The following GPR82 variants were observed in gnomAD, a reference collection of about 807,000 sequenced individuals.
GPR82 encodes the protein G protein-coupled receptor 82, also known as probable G protein-coupled receptor 82.
In GPR82, 6 loss-of-function variants were observed where a neutral mutation model predicts 12.9. That is an observed-to-expected ratio of 0.46 (90% CI 0.25 to 0.92). The LOEUF (loss-of-function observed/expected upper bound fraction) is 0.92. GPR82 is among the 40% of genes least tolerant of loss of function. The pLI is 0.16. For missense variants in GPR82, 241 were observed against 245.5 expected (o/e 0.98, Z 0.12); for synonymous variants, 90 against 87.6 (o/e 1.03, Z -0.15).
rs1265211111 is a variant in GPR82, at chrX:41,728,605, A to T, written c.*568A>T. The T allele has an allele frequency of 1.7e-5, 2 of 121,072 alleles. No homozygotes were observed. The highest frequency in any genetic ancestry group is 9.5e-5 in the Admixed American group (1 of 10,517). 10.0% of individuals were successfully genotyped at this position (121,072 alleles called of 1,213,427 possible). A position where few individuals can be genotyped will look rare whatever the true frequency, so the allele number is the denominator to read the frequency against. On this transcript the variant is annotated 3_prime_UTR_variant, in exon 3 of 3. Transcript: ENST00000302548. The stretch of plus-strand genomic sequence containing the variant: ...CTAAAAATACAAAAATCAGCTGGAC[A>T]TGGTGGTGGGCGCCTGTAATCCCAG...
rs769558731 is a variant in GPR82 at position 41,727,628 on chromosome X, T to C, written c.602T>C (p.Ile201Thr). 1.6e-5 allele frequency: 19 copies of C among 1,207,886 alleles called. No homozygotes were observed. Among genetic ancestry groups the C allele is most frequent in the South Asian group, 5.3e-5 (3 of 56,783 alleles). ...QMELGAMISQ[I>T]AGLIGTTFIG... is the part of the protein sequence containing the mutation. ...GAACTAGGAGCCATGATCTCTCAGA[T>C]TGCAGGTCTCATTGGAACCACATTT... is the stretch of plus-strand genomic sequence containing the variant. The change falls in exon 3 of 3, where the codon ATT (isoleucine) becomes ACT (threonine). Residue 201 changes from isoleucine to threonine, a missense_variant. Ile to Thr is a moderately conservative substitution (Grantham distance 89, BLOSUM62 -1). Coordinates refer to ENST00000302548, the MANE Select transcript of GPR82 (RefSeq NM_080817.5).
chrX:41,725,755 A>T (rs2068248738), intron 1 of GPR82, among the ~76,000 whole-genome samples: 1 of 112,600 alleles, frequency 8.9e-6, no homozygotes, highest in Admixed American at 9.4e-5. Flanking sequence ...TTATGTTGTG[A>T]TTAAAACATC....
In GPR82 at chrX:41,727,313, C is replaced by T. The variant is rs1388133296; in HGVS notation, c.287C>T (p.Thr96Ile). ...AQCRVVNFLG[T>I]LSMHASMFVS... ...TGCAGAGTGGTCAATTTTCTGGGAACTCTATCCATGCATGCAAGTATGTTT... is the reference window on the plus strand; with the variant it reads ...TGCAGAGTGGTCAATTTTCTGGGAATTCTATCCATGCATGCAAGTATGTTT... Residue 96 changes from threonine to isoleucine, a missense_variant, in exon 3 of 3, where the codon ACT (threonine) becomes ATT (isoleucine). Physicochemically the swap from Thr to Ile is moderately conservative, Grantham distance 89. Transcript: ENST00000302548. 2 of 1,206,410 alleles carry T rather than the reference C, an allele frequency of 1.7e-6. No individual in the cohort carries two copies. The highest frequency in any genetic ancestry group is 4.4e-5 in the Admixed American group (2 of 45,734).
chrX:41,726,241 C>T (rs1361473860), intron 1 of GPR82, among the ~76,000 whole-genome samples: 3 of 112,785 alleles, frequency 2.7e-5, no homozygotes, highest in Non-Finnish European at 5.6e-5. Flanking sequence ...AGAGCCACCA[C>T]ATCTGGCTGT....
At position 41,727,427 on chromosome X, in the gene GPR82, A is replaced by G. The variant is rs2068281640; in HGVS notation, c.401A>G (p.Tyr134Cys). 4.1e-6 allele frequency: 5 copies of G among 1,210,353 alleles called. No homozygotes were observed. The highest frequency in any genetic ancestry group is 5.6e-6 in the Non-Finnish European group (5 of 894,120). ...TCCTCGCAAGAGACTACTTCATGCT[A>G]TGAGAAAATATTTTATGGCCATTTA... ...KDSSQETTSC[Y>C]EKIFYGHLLK... Residue 134 changes from tyrosine (Y) to cysteine (C), a missense_variant, in exon 3 of 3, where the codon TAT (tyrosine) becomes TGT (cysteine). Transcript: ENST00000302548.
chrX:41,727,651 T>C lies in GPR82; in HGVS notation c.625T>C (p.Phe209Leu), dbSNP rs766277398. 6 of 1,208,186 alleles carry C rather than the reference T, an allele frequency of 5.0e-6. No individual in the cohort carries two copies. The highest frequency in any genetic ancestry group is 6.7e-6 in the Non-Finnish European group (6 of 892,513). Reference protein sequence around the residue: ...SQIAGLIGTTFIGFSFLVVLT... With the variant: ...SQIAGLIGTTLIGFSFLVVLT... The stretch of plus-strand genomic sequence containing the variant: ...GATTGCAGGTCTCATTGGAACCACA[T>C]TTATTGGATTTTCCTTTTTAGTAGT... Residue 209 changes from phenylalanine to leucine, a missense_variant, in exon 3 of 3, where the codon TTT (phenylalanine) becomes CTT (leucine). Physicochemically the swap from Phe to Leu is conservative, Grantham distance 22 (BLOSUM62 0). Transcript: ENST00000302548.
chrX:41,726,297 C>A (rs1427062736), intron 1 of GPR82, among the ~76,000 whole-genome samples: 1 of 112,030 alleles, frequency 8.9e-6, no homozygotes, highest in African/African-American at 3.2e-5. Context: ...TGAAGTATGA[C>A]AGTTTAACAT....
rs200780473 is a variant in GPR82 at position 41,727,126 on chromosome X, A to T, written c.100A>T (p.Thr34Ser). ...TTGTATTGTTGGTGTTTTTGGAAAC[A>T]CTCTCTCTCAATGGATATTTTTAAC... ...LLCIVGVFGN[T>S]LSQWIFLTKI... The change falls in exon 3 of 3, where the codon ACT becomes TCT. Residue 34 changes from threonine to serine, a missense_variant. By Grantham distance (58) the Thr-to-Ser change is moderately conservative. Coordinates refer to ENST00000302548, the MANE Select transcript of GPR82 (RefSeq NM_080817.5). 57 of 1,190,175 alleles carry T rather than the reference A, an allele frequency of 4.8e-5. No homozygotes were observed. Among genetic ancestry groups the T allele is most frequent in the Non-Finnish European group, 6.5e-5 (57 of 877,829 alleles).
chrX:41,727,821 T>C lies in GPR82; in HGVS notation c.795T>C (p.Tyr265=). The change falls in exon 3 of 3, where the codon TAT becomes TAC. Residue 265 remains tyrosine (Y), a synonymous_variant. Transcript: ENST00000302548. ...QILLIVCFLP[Y]SIFKPIFYVL... is the part of the protein sequence containing the mutation. ...TACTAATAGTTTGCTTCCTTCCTTA[T>C]AGTATTTTTAAACCCATTTTTTATG... The C allele has an allele frequency of 1.1e-5, 13 of 1,189,364 alleles. No homozygotes were observed. The highest frequency in any genetic ancestry group is 2.3e-4 in the Middle Eastern group (1 of 4,276).
rs182476829 is a variant in GPR82 at position 41,725,302 on chromosome X, A to C, written c.-106+1013A>C. 2.9e-4 allele frequency among the ~76,000 whole-genome samples: 32 copies of C among 111,768 alleles called. No individual in the cohort carries two copies. The East Asian group carries it at 3.9e-3, about 14-fold the overall frequency. On this transcript the variant is annotated intron_variant, in intron 1 of 2. Transcript: ENST00000302548. ...ATTATAATATCATATTTGAAAAAAAACCCCAATTTCTGTAATCCAAGATGC... is the reference window on the plus strand; with the variant it reads ...ATTATAATATCATATTTGAAAAAAACCCCCAATTTCTGTAATCCAAGATGC...
At position 41,729,994 on chromosome X, in the gene GPR82, G is replaced by A. The variant is rs144071678; in HGVS notation, c.*1957G>A. 4 of 115,749 alleles carry A rather than the reference G, an allele frequency of 3.5e-5. No individual in the cohort carries two copies. The highest frequency in any genetic ancestry group is 4.3e-4 in the South Asian group (1 of 2,338). The allele number at this position is 115,749 out of a possible 1,213,427, so 9.5% of individuals were successfully genotyped here. ...ATATATTATGATTAAAAAAAAAAGCGTGTACTATCTGCCCAAAGAGATCAT... is the reference window on the plus strand; with the variant it reads ...ATATATTATGATTAAAAAAAAAAGCATGTACTATCTGCCCAAAGAGATCAT... On this transcript the variant is annotated 3_prime_UTR_variant, in exon 3 of 3. Coordinates refer to ENST00000302548, the MANE Select transcript of GPR82 (RefSeq NM_080817.5).
Position 41,725,151 on chromosome X carries a change from G to T in GPR82, c.-106+862G>T, listed in dbSNP as rs1028369436. ...CTGTTTTCTAAATAAAAATAGCAAA[G>T]AAATAAAATTATAAAGACAGTGGTA... On this transcript the variant is annotated intron_variant, in intron 1 of 2. Coordinates refer to ENST00000302548, the MANE Select transcript of GPR82 (RefSeq NM_080817.5). Among the ~76,000 whole-genome samples, 4 of 111,464 alleles carry T rather than the reference G, an allele frequency of 3.6e-5. No individual in the cohort carries two copies. In the East Asian group the frequency reaches 1.1e-3, roughly 31 times the overall value.
Position 41,728,251 on chromosome X carries a change from A to G in GPR82, c.*214A>G. 2 of 296,472 alleles carry G rather than the reference A, an allele frequency of 6.7e-6. No individual in the cohort carries two copies. The highest frequency in any genetic ancestry group is 6.1e-6 in the Non-Finnish European group (1 of 164,659). 24.4% of individuals were successfully genotyped at this position (296,472 alleles called of 1,213,427 possible). A position where few individuals can be genotyped will look rare whatever the true frequency, so the allele number is the denominator to read the frequency against. On this transcript the variant is annotated 3_prime_UTR_variant, in exon 3 of 3. Transcript: ENST00000302548. ...GCAGAAACTTTCAGAAGCAAAAATT[A>G]AGCATATTGAAAGGATCCCACTCAT...
chrX:41,729,365 A>G lies in GPR82; in HGVS notation c.*1328A>G, dbSNP rs755816849. On this transcript the variant is annotated 3_prime_UTR_variant, in exon 3 of 3. Transcript: ENST00000302548. The stretch of plus-strand genomic sequence containing the variant: ...GCTGTTTGCCAAGCATTCTACTTAT[A>G]TGCTTTACATATATTATTTTAATCA... The G allele has an allele frequency of 8.1e-6, 1 of 122,763 alleles. No individual in the cohort carries two copies. Among genetic ancestry groups the G allele is most frequent in the Non-Finnish European group, 1.9e-5 (1 of 53,222 alleles). 10.1% of individuals were successfully genotyped at this position (122,763 alleles called of 1,213,427 possible).
chrX:41,725,850 GT>G (rs1015376166), intron 1 of GPR82, among the ~76,000 whole-genome samples: 3 of 110,567 alleles, frequency 2.7e-5, no homozygotes, highest in East Asian at 5.7e-4. Context: ...AGCAGCTACA[GT>G]TTTTTTTTGT....
intron 1 of GPR82, among the ~76,000 whole-genome samples, chrX:41,725,157 AAAT>A (rs767664860): frequency 9.8e-5 from 11 of 111,949 alleles, no homozygotes; most frequent in Non-Finnish European, 2.1e-4. Context: ...CAAAGAAATA[AAAT>A]TATAAAGACA....
rs1299736753 is a variant in GPR82, at chrX:41,727,707, T to A, written c.681T>A (p.His227Gln). The A allele has an allele frequency of 8.3e-7, 1 of 1,201,112 alleles. No individual in the cohort carries two copies. Among genetic ancestry groups the A allele is most frequent in the Admixed American group, 2.2e-5 (1 of 45,954 alleles). ...CATCATACTACTCTTTTGTAAGCCA[T>A]CTGAGAAAAATAAGAACCTGTACGT... ...VLTSYYSFVSHLRKIRTCTSI... is the reference protein window; with the variant it reads ...VLTSYYSFVSQLRKIRTCTSI... Residue 227 changes from histidine (H) to glutamine (Q), a missense_variant, in exon 3 of 3, where the codon CAT (histidine) becomes CAA (glutamine). His to Gln is a conservative substitution (Grantham distance 24). Transcript: ENST00000302548.
In GPR82 at chrX:41,724,306, T is replaced by C. The variant is rs773195880; in HGVS notation, c.-106+17T>C. On this transcript the variant is annotated intron_variant, in intron 1 of 2. Coordinates refer to ENST00000302548, the MANE Select transcript of GPR82 (RefSeq NM_080817.5). Reference sequence around the variant, plus strand: ...CTCATACAGGTAAGAGTGATTATTATTCATTTTTAGCTTAAAAATTAAACT... The same window carrying C: ...CTCATACAGGTAAGAGTGATTATTACTCATTTTTAGCTTAAAAATTAAACT... The C allele has an allele frequency of 4.4e-5, 5 of 112,864 alleles. No individual in the cohort carries two copies. The highest frequency in any genetic ancestry group is 9.3e-5 in the Admixed American group (1 of 10,703). The allele number at this position is 112,864 out of a possible 1,213,427, so 9.3% of individuals were successfully genotyped here.
rs190278007 is a variant in GPR82, at chrX:41,726,709, A to G, written c.-105-64A>G. 69 of 154,942 alleles carry G rather than the reference A, an allele frequency of 4.5e-4. No homozygotes were observed. The East Asian group carries it at 8.6e-3, about 19-fold the overall frequency. 12.8% of individuals were successfully genotyped at this position (154,942 alleles called of 1,213,427 possible). A position where few individuals can be genotyped will look rare whatever the true frequency, so the allele number is the denominator to read the frequency against. On this transcript the variant is annotated intron_variant, in intron 1 of 2. Transcript: ENST00000302548. ...TTGTTTTACAATCTAAGAACTATAC[A>G]TTTCTCTAAGTAAAATTATAAATCC...
Sources: gnomAD v4.1 joint callset for allele counts (sites outside exome capture counted in the v4.1 genomes callset) on GRCh38, gnomAD v4.1.1 for gene constraint, MANE v1.5 for transcripts, NCBI Gene and HGNC (gene_info 2026-07-23, HGNC 2026-07-21) for gene names.